The following PIK3CB variants were observed in gnomAD, a reference collection of about 807,000 sequenced individuals.
The protein encoded by PIK3CB is phosphatidylinositol 4,5-bisphosphate 3-kinase catalytic subunit beta isoform.
Under a neutral mutation model 136.8 loss-of-function variants are expected in PIK3CB, and 39 were observed. That is an observed-to-expected ratio of 0.29 (90% CI 0.22 to 0.37). PIK3CB has a LOEUF of 0.37. PIK3CB is among the 10% of genes least tolerant of loss of function. The probability of loss-of-function intolerance (pLI) is 1.00; values close to 1 mark genes in which losing one functional copy is unlikely to be tolerated. For missense variants in PIK3CB, 868 were observed against 1,275.4 expected (o/e 0.68, Z 4.87); for synonymous variants, 428 against 436.6 (o/e 0.98, Z 0.25).
At chr3:138,834,353 C>G (rs1405430373) in intron 1 of PIK3CB, among the ~76,000 whole-genome samples, 2 of 152,212 alleles carry the variant, frequency 1.3e-5, no homozygotes, top group Non-Finnish European at 2.9e-5. Flanking sequence ...AGACGCGGGG[C>G]GCGAGTACGC....
intron 4 of PIK3CB, among the ~76,000 whole-genome samples, chr3:138,753,513 T>A (rs940499203): frequency 4.0e-5 from 6 of 148,556 alleles, no homozygotes; most frequent in Non-Finnish European, 8.9e-5. Flanking sequence ...AGAGTGAGAC[T>A]CTGTATCAAA....
At position 138,653,887 on chromosome 3, in the gene PIK3CB, G is replaced by A. The variant is rs1180859089; in HGVS notation, c.*1502C>T. 2.5e-5 allele frequency: 5 copies of A among 197,744 alleles called. No individual in the cohort carries two copies. Among genetic ancestry groups the A allele is most frequent in the Non-Finnish European group, 5.2e-5 (5 of 95,594 alleles). 12.2% of individuals were successfully genotyped at this position (197,744 alleles called of 1,614,324 possible). ...CTGATGAGGCTGGGAAACAAGGGGA[G>A]AAGTCAGGGAAGAGGCCATAATAAG... On this transcript the variant is annotated 3_prime_UTR_variant, in exon 24 of 24. Coordinates refer to ENST00000674063, the MANE Select transcript of PIK3CB (RefSeq NM_006219.3).
chr3:138,758,267 T>A, intron 3 of PIK3CB, among the ~76,000 whole-genome samples: 1 of 152,130 alleles, frequency 6.6e-6, no homozygotes, highest in East Asian at 1.9e-4. Flanking sequence ...AAAGGGGCAG[T>A]TATGGGTATG....
intron 11 of PIK3CB, among the ~76,000 whole-genome samples, chr3:138,706,818 AG>A (rs2044387572): frequency 6.6e-6 from 1 of 152,120 alleles, no homozygotes; most frequent in Non-Finnish European, 1.5e-5. Flanking sequence ...CACCATGTCC[AG>A]CTAATTTTGT....
At chr3:138,679,347 G>T (rs957391852) in intron 19 of PIK3CB, among the ~76,000 whole-genome samples, 3 of 152,052 alleles carry the variant, frequency 2.0e-5, no homozygotes, top group Non-Finnish European at 4.4e-5. Context: ...TATTTACTGA[G>T]CTAGGGTCTT....
chr3:138,784,321 G>C (rs2045950816), intron 2 of PIK3CB, among the ~76,000 whole-genome samples: 1 of 152,176 alleles, frequency 6.6e-6, no homozygotes, highest in South Asian at 2.1e-4. Context: ...AGCAGAGGTT[G>C]CAATGAGCTA....
intron 4 of PIK3CB, among the ~76,000 whole-genome samples, chr3:138,749,518 A>T (rs1449409316): frequency 6.6e-6 from 1 of 152,190 alleles, no homozygotes; most frequent in Admixed American, 6.5e-5. Flanking sequence ...AAGTGTTCTT[A>T]GTAGTAAAGC....
chr3:138,712,129 G>A, intron 10 of PIK3CB, 79 bp downstream of exon 10: 2 of 575,138 alleles, frequency 3.5e-6, no homozygotes, highest in South Asian at 2.7e-5. Flanking sequence ...TGAAAGAACG[G>A]TGATTCATAA....
At chr3:138,754,850 A>G (rs2045536197) in intron 4 of PIK3CB, among the ~76,000 whole-genome samples, 1 of 152,180 alleles carries the variant, frequency 6.6e-6, no homozygotes, top group Non-Finnish European at 1.5e-5. Context: ...TAGATACATA[A>G]ATCTCCAGTG....
intron 4 of PIK3CB, 147 bp from the exon 5 acceptor site, chr3:138,742,928 C>A: frequency 2.0e-6 from 1 of 502,480 alleles, no homozygotes; most frequent in Non-Finnish European, 3.5e-6. Flanking sequence ...AGGAAAATAC[C>A]ATTAAAGATC....
rs147192062 is a variant in PIK3CB at position 138,831,840 on chromosome 3, G to A, written c.-122+2855C>T. On this transcript the variant is annotated intron_variant, in intron 1 of 23. Transcript: ENST00000674063. ...ATTTGGAGGCTGAGGCAGGAGAATC[G>A]CTTGAACCCGGGAGGTCACAGTGAG... is the stretch of plus-strand genomic sequence containing the variant. Among the ~76,000 whole-genome samples, 22 of 152,058 alleles carry A rather than the reference G, an allele frequency of 1.4e-4. No individual in the cohort carries two copies. In the East Asian group the frequency reaches 2.7e-3, roughly 19 times the overall value.
intron 1 of PIK3CB, among the ~76,000 whole-genome samples, chr3:138,814,135 A>G (rs1435548853): frequency 6.6e-6 from 1 of 152,286 alleles, no homozygotes; most frequent in Admixed American, 6.5e-5. Flanking sequence ...CCAAGATCAC[A>G]TGACTAATAA....
At chr3:138,674,270 G>A (rs1454579245) in intron 19 of PIK3CB, among the ~76,000 whole-genome samples, 4 of 151,966 alleles carry the variant, frequency 2.6e-5, no homozygotes, top group Non-Finnish European at 5.9e-5. Context: ...TAACTTTGAG[G>A]CTTTGTGAAA....
intron 1 of PIK3CB, among the ~76,000 whole-genome samples, chr3:138,799,272 G>A (rs566909051): frequency 6.8e-6 from 1 of 147,826 alleles, no homozygotes; most frequent in Middle Eastern, 3.2e-3. Flanking sequence ...CCACCTCCCC[G>A]GTTCAAGCAA....
intron 6 of PIK3CB, among the ~76,000 whole-genome samples, chr3:138,735,935 A>G (rs1183263632): frequency 3.3e-5 from 5 of 152,304 alleles, no homozygotes; most frequent in African/African-American, 1.2e-4. Context: ...TTTCTCTCAC[A>G]TTCCTTTGCC....
chr3:138,665,219 T>G lies in PIK3CB; in HGVS notation c.2505-16A>C. 6.4e-7 allele frequency: 1 copy of G among 1,562,614 alleles called. No individual in the cohort carries two copies. Among genetic ancestry groups the G allele is most frequent in the Non-Finnish European group, 8.7e-7 (1 of 1,148,542 alleles). Reference sequence around the variant, plus strand: ...AGGCAACATCCTGGAAGGAAAAAAATGGGCATAGAGTCATATTTTCCTTAA... The same window carrying G: ...AGGCAACATCCTGGAAGGAAAAAAAGGGGCATAGAGTCATATTTTCCTTAA... On this transcript the variant is annotated splice_polypyrimidine_tract_variant and intron_variant, in intron 19 of 23. Coordinates refer to ENST00000674063, the MANE Select transcript of PIK3CB (RefSeq NM_006219.3).
chr3:138,711,961 T>A (rs1238802531), intron 10 of PIK3CB, among the ~76,000 whole-genome samples: 4 of 151,308 alleles, frequency 2.6e-5, no homozygotes, highest in Admixed American at 6.6e-5. Flanking sequence ...TAAAAAAAAA[T>A]AATAAATAAT....
Position 138,800,937 on chromosome 3 carries a change from T to C in PIK3CB, c.-121-4370A>G, listed in dbSNP as rs183739844. ...CACCGTGCCCGGCCTATTTTTTAACTTTTCTATTAATTCTGAATTATTTCA... is the reference window on the plus strand; with the variant it reads ...CACCGTGCCCGGCCTATTTTTTAACCTTTCTATTAATTCTGAATTATTTCA... On this transcript the variant is annotated intron_variant, in intron 1 of 23. Coordinates refer to ENST00000674063, the MANE Select transcript of PIK3CB (RefSeq NM_006219.3). 1.9e-3 allele frequency among the ~76,000 whole-genome samples: 287 copies of C among 152,302 alleles called. 2 individuals are homozygous for C. Among genetic ancestry groups the C allele is most frequent in the African/African-American group, 6.7e-3 (278 of 41,576 alleles).
intron 1 of PIK3CB, chr3:138,825,156 A>T: frequency 3.4e-6 from 1 of 291,742 alleles, no homozygotes; most frequent in South Asian, 6.8e-5. Flanking sequence ...TGAACATGGT[A>T]TCACCATTGG....
Sources: allele counts gnomAD v4.1 joint callset (sites outside exome capture counted in the v4.1 genomes callset), GRCh38; gene constraint gnomAD v4.1.1; transcripts MANE v1.5; gene names NCBI Gene and HGNC (gene_info 2026-07-23, HGNC 2026-07-21).